The following DARS1 variants were observed in gnomAD, a reference collection of about 807,000 sequenced individuals.
DARS1 encodes the protein aspartyl-tRNA synthetase 1.
A neutral mutation model predicts 68.8 loss-of-function variants in DARS1; 51 were observed. The observed-to-expected ratio is 0.74, with a 90% CI of 0.59 to 0.94. The LOEUF (loss-of-function observed/expected upper bound fraction) is 0.94, where lower values mean the gene tolerates loss of function less well. Ranked by LOEUF, DARS1 falls within the 40% of genes least tolerant of loss-of-function variation. The pLI, the probability that DARS1 is intolerant of heterozygous loss-of-function variation, is 0.00. For synonymous variants in DARS1, 203 were observed against 190.4 expected (o/e 1.07, Z -0.55); for missense variants, 607 against 597.3 (o/e 1.02, Z -0.17).
chr2:135,929,185 AAC>A (rs1488859957), intron 7 of DARS1, among the ~76,000 whole-genome samples: 3 of 152,212 alleles, frequency 2.0e-5, no homozygotes, highest in Non-Finnish European at 4.4e-5. Flanking sequence ...TCTTGAGGTC[AAC>A]AGTTATGACA....
intron 5 of DARS1, among the ~76,000 whole-genome samples, chr2:135,937,887 C>A (rs571661710): frequency 6.6e-6 from 1 of 152,192 alleles, no homozygotes; most frequent in Non-Finnish European, 1.5e-5. Context: ...CTTCCCTTTG[C>A]GGGTAACCCG....
chr2:135,927,935 T>C (rs1363784681), intron 7 of DARS1, among the ~76,000 whole-genome samples: 1 of 152,190 alleles, frequency 6.6e-6, no homozygotes, highest in Non-Finnish European at 1.5e-5. Context: ...TTTATAGAAT[T>C]CCTTTCCCTG....
At chr2:135,961,554 C>T (rs1682101499) in intron 3 of DARS1, 56 bp from the exon 4 acceptor site, 2 of 922,842 alleles carry the variant, frequency 2.2e-6, no homozygotes, top group South Asian at 2.6e-5. Flanking sequence ...TCAGGTTTTA[C>T]AAAGAAGGAA....
chr2:135,916,225 C>T lies in DARS1; in HGVS notation c.1106+1G>A, dbSNP rs1161011527. On this transcript the variant is annotated splice_donor_variant, in intron 11 of 15. Transcript: ENST00000264161. LOFTEE classifies it high-confidence loss of function. ...GTAAAAAAAAAGCCACAAAGACAAA[C>T]CTCAGATCGTCTTCATCTCCCATTT... is the stretch of plus-strand genomic sequence containing the variant. The T allele has an allele frequency of 6.4e-7, 1 of 1,571,888 alleles. No homozygotes were observed. Among genetic ancestry groups the T allele is most frequent in the East Asian group, 2.2e-5 (1 of 44,662 alleles).
intron 7 of DARS1, among the ~76,000 whole-genome samples, chr2:135,927,645 T>C (rs1304341546): frequency 6.6e-6 from 1 of 152,154 alleles, no homozygotes; most frequent in African/African-American, 2.4e-5. Flanking sequence ...GGCTAGGTGT[T>C]AGATGATAAC....
At chr2:135,926,529 A>T (rs1681214754) in intron 7 of DARS1, among the ~76,000 whole-genome samples, 1 of 152,218 alleles carries the variant, frequency 6.6e-6, no homozygotes, top group Non-Finnish European at 1.5e-5. Context: ...ATTTTCTAGA[A>T]GATTCTAGCT....
chr2:135,981,396 T>A (rs1042143487), intron 2 of DARS1, among the ~76,000 whole-genome samples: 1 of 152,072 alleles, frequency 6.6e-6, no homozygotes, highest in Non-Finnish European at 1.5e-5. Flanking sequence ...CTATTTTACA[T>A]AGGTTGAGCA....
intron 4 of DARS1, among the ~76,000 whole-genome samples, chr2:135,956,066 C>T (rs959457351): frequency 3.9e-5 from 6 of 152,012 alleles, no homozygotes; most frequent in Non-Finnish European, 7.4e-5. Flanking sequence ...ATATTTCTCA[C>T]GCAAGTAGAA....
intron 2 of DARS1, 122 bp downstream of exon 2, chr2:135,983,275 G>A: frequency 1.5e-6 from 1 of 646,692 alleles, no homozygotes; most frequent in Non-Finnish European, 2.7e-6. Flanking sequence ...GATTATTAAT[G>A]TCATTTAAGC....
At chr2:135,961,048 T>A (rs1345883546) in intron 4 of DARS1, among the ~76,000 whole-genome samples, 2 of 152,010 alleles carry the variant, frequency 1.3e-5, no homozygotes, top group Non-Finnish European at 2.9e-5. Context: ...AATCTCAAAC[T>A]GGGGGAGGGA....
At chr2:135,930,803 A>C (rs2104808487) in intron 7 of DARS1, among the ~76,000 whole-genome samples, 1 of 152,336 alleles carries the variant, frequency 6.6e-6, no homozygotes, top group Non-Finnish European at 1.5e-5. Flanking sequence ...GGTGAAATAA[A>C]GGGGACAATT....
chr2:135,914,972 C>T (rs1680974556), intron 11 of DARS1: 1 of 152,378 alleles, frequency 6.6e-6, no homozygotes, highest in Non-Finnish European at 1.5e-5. Flanking sequence ...CAAGAGGTAG[C>T]TACTTCAGCT....
At chr2:135,929,068 G>T (rs1325540786) in intron 7 of DARS1, among the ~76,000 whole-genome samples, 1 of 152,054 alleles carries the variant, frequency 6.6e-6, no homozygotes, top group East Asian at 1.9e-4. Context: ...TCATTCTAAC[G>T]TATGACAAAA....
chr2:135,940,766 G>A (rs1043320451), intron 5 of DARS1, among the ~76,000 whole-genome samples: 1 of 152,114 alleles, frequency 6.6e-6, no homozygotes, highest in Non-Finnish European at 1.5e-5. Context: ...AAACCCCATC[G>A]TCTCAGGCCA....
chr2:135,985,421 C>T lies in DARS1; in HGVS notation c.48G>A (p.Glu16=), dbSNP rs750385142. The T allele has an allele frequency of 1.9e-6, 3 of 1,613,858 alleles. No individual in the cohort carries two copies. The African/African-American group carries it at 4.0e-5, about 22-fold the overall frequency. Residue 16 remains glutamate (E), a synonymous_variant, in exon 1 of 16, where the codon GAG becomes GAA. Coordinates refer to ENST00000264161, the MANE Select transcript of DARS1 (RefSeq NM_001349.4). The part of the protein sequence containing the change: ...ASRKSQEKPR[E]IMDAAEDYAK... ...AACCCACTTCCGCCGCGTCCATGAT[C>T]TCCCGCGGCTTCTCCTGACTCTTGC... is the stretch of plus-strand genomic sequence containing the variant.
chr2:135,930,462 G>A lies in DARS1; in HGVS notation c.564+2321C>T, dbSNP rs143207859. On this transcript the variant is annotated intron_variant, in intron 7 of 15. Transcript: ENST00000264161. ...GAGCTGATGATTCACCTTTAAAGAT[G>A]GCTCAGTTTCTATGCTTACCTGGCA... Among the ~76,000 whole-genome samples, 301 of 152,256 alleles carry A rather than the reference G, an allele frequency of 2.0e-3. 1 individual carries two copies. Among genetic ancestry groups the A allele is most frequent in the African/African-American group, 6.9e-3 (288 of 41,548 alleles).
At chr2:135,983,526 A>G in intron 1 of DARS1, 72 bp from the exon 2 acceptor site, 1 of 605,212 alleles carries the variant, frequency 1.7e-6, no homozygotes, top group Non-Finnish European at 2.9e-6. Context: ...ATAAATACTA[A>G]TAATAGAATA....
At chr2:135,914,576 ACTT>A (rs1680968252) in intron 11 of DARS1, 65 bp from the exon 12 acceptor site, 2 of 909,740 alleles carry the variant, frequency 2.2e-6, no homozygotes, top group East Asian at 2.4e-5. Flanking sequence ...TTAATAAGGA[ACTT>A]CTTCTATTTG....
chr2:135,932,236 T>C (rs1341163363), intron 7 of DARS1, among the ~76,000 whole-genome samples: 1 of 152,110 alleles, frequency 6.6e-6, no homozygotes, highest in African/African-American at 2.4e-5. Flanking sequence ...ATGCAATGGT[T>C]TTACTACAAC....
Sources: allele counts gnomAD v4.1 joint callset (sites outside exome capture counted in the v4.1 genomes callset), GRCh38; gene constraint gnomAD v4.1.1; transcripts MANE v1.5; gene names NCBI Gene and HGNC (gene_info 2026-07-23, HGNC 2026-07-21).